HAS1: variants seen among roughly 807,000 people sequenced by gnomAD.
The protein encoded by HAS1 is HA synthase 1.
HAS1 carries 27 observed loss-of-function variants against 35.0 expected under a neutral mutation model. That is an observed-to-expected ratio of 0.77 (90% CI 0.57 to 1.06). HAS1 has a LOEUF of 1.06. HAS1 is among the 50% of genes least tolerant of loss of function. HAS1 has a pLI of 0.00. For synonymous variants in HAS1, 409 were observed against 371.2 expected, an observed-to-expected ratio of 1.10 and a Z score of -1.17; for missense variants, 940 against 814.8, an observed-to-expected ratio of 1.15 and a Z score of -1.87.
Position 51,716,270 on chromosome 19 carries a change from C to G in HAS1, c.1044G>C (p.Met348Ile). The G allele has an allele frequency of 6.2e-7, 1 of 1,613,638 alleles. No homozygotes were observed. The change falls in exon 4 of 5, where the codon ATG becomes ATC. Residue 348 changes from methionine (M) to isoleucine (I), a missense_variant. Met to Ile is a conservative substitution (Grantham distance 10). Coordinates refer to ENST00000540069, the MANE Select transcript of HAS1 (RefSeq NM_001297436.2). The part of the protein sequence containing the change: ...DRHLTNRMLS[M>I]GYATKYTSRS... Reference sequence around the variant, plus strand: ...CCTCAGCTTACTTGGTAGCATAACCCATGCTGAGCATGCGGTTGGTGAGGT... The same window carrying G: ...CCTCAGCTTACTTGGTAGCATAACCGATGCTGAGCATGCGGTTGGTGAGGT...
intron 2 of HAS1, among the ~76,000 whole-genome samples, chr19:51,717,758 T>TA (rs1228100665): frequency 7.9e-5 from 12 of 151,994 alleles, no homozygotes; most frequent in Non-Finnish European, 1.6e-4. Flanking sequence ...CCCCAAGCCT[T>TA]AAAAAAGACC....
rs58381226 is a variant in HAS1 at position 51,716,431 on chromosome 19, C to T, written c.926-43G>A. Reference sequence around the variant, plus strand: ...GTGAAAGAGTGTCAGCCTCTGCTGTCACCAACACCAACTCCAATGCTGTTT... The same window carrying T: ...GTGAAAGAGTGTCAGCCTCTGCTGTTACCAACACCAACTCCAATGCTGTTT... On this transcript the variant is annotated intron_variant, in intron 3 of 4. Transcript: ENST00000540069. The T allele has an allele frequency of 3.6e-4, 554 of 1,556,922 alleles. 3 individuals are homozygous for T. The East Asian group carries it at 0.011, about 32-fold the overall frequency.
intron 4 of HAS1, among the ~76,000 whole-genome samples, chr19:51,715,759 C>G (rs1185469866): frequency 6.6e-6 from 1 of 152,222 alleles, no homozygotes; most frequent in African/African-American, 2.4e-5. Context: ...CATGGAATTA[C>G]TTGTCTTCTC....
chr19:51,713,504 C>CCA lies in HAS1; in HGVS notation c.1655_1656dup (p.Ala553TrpfsTer4). On this transcript the variant is annotated frameshift_variant, in exon 5 of 5. Coordinates refer to ENST00000540069, the MANE Select transcript of HAS1 (RefSeq NM_001297436.2). LOFTEE classifies it high-confidence loss of function. This position sits in a 1 kb window ranked among gnomAD's most constrained non-coding sequence, Gnocchi z 4.5. ...CCCACCCAGTACAGCGTCAACATGGCCACCCAGTAGCCCACGTAGGCGCCG... is the reference window on the plus strand; with the variant it reads ...CCCACCCAGTACAGCGTCAACATGGCCACACCCAGTAGCCCACGTAGGCGCCG... The CCA allele has an allele frequency of 6.2e-7, 1 of 1,606,430 alleles. No individual in the cohort carries two copies. Among genetic ancestry groups the CCA allele is most frequent in the Non-Finnish European group, 8.5e-7 (1 of 1,177,030 alleles).
rs2083552923 is a variant in HAS1 at position 51,713,343 on chromosome 19, C to G, written c.*84G>C. The G allele has an allele frequency of 7.6e-7, 1 of 1,317,032 alleles. No individual in the cohort carries two copies. 81.6% of individuals were successfully genotyped at this position (1,317,032 alleles called of 1,614,324 possible). A position where few individuals can be genotyped will look rare whatever the true frequency, so the allele number is the denominator to read the frequency against. On this transcript the variant is annotated 3_prime_UTR_variant, in exon 5 of 5. Coordinates refer to ENST00000540069, the MANE Select transcript of HAS1 (RefSeq NM_001297436.2). This position sits in a 1 kb window ranked among gnomAD's most constrained non-coding sequence, Gnocchi z 4.5. Reference sequence around the variant, plus strand: ...AGGGAAACTGAGGCCCAGAGAACCACCCAGCAAGTTCGTGGCTCGGGGCCC... The same window carrying G: ...AGGGAAACTGAGGCCCAGAGAACCAGCCAGCAAGTTCGTGGCTCGGGGCCC...
At position 51,713,710 on chromosome 19, in the gene HAS1, T is replaced by C. The variant is rs140048746; in HGVS notation, c.1451A>G (p.Gln484Arg). The change falls in exon 5 of 5, where the codon CAG becomes CGG. Residue 484 changes from glutamine (Q) to arginine (R), a missense_variant. Transcript: ENST00000540069. This position sits in a 1 kb window ranked among gnomAD's most constrained non-coding sequence, Gnocchi z 4.5. Reference protein sequence around the residue: ...AKFLALVTMNQSGWGTSGRRK... With the variant: ...AKFLALVTMNRSGWGTSGRRK... ...CCGGCCCGAGGTGCCCCAGCCACTC[T>C]GGTTCATGGTGACTAGCGCCAGGAA... 1.7e-4 allele frequency: 275 copies of C among 1,605,928 alleles called. No individual in the cohort carries two copies. The highest frequency in any genetic ancestry group is 2.2e-4 in the Non-Finnish European group (257 of 1,176,738).
chr19:51,716,821 C>G (rs566249739), intron 3 of HAS1, 147 bp downstream of exon 3: 2 of 673,864 alleles, frequency 3.0e-6, no homozygotes, highest in Non-Finnish European at 5.3e-6. Context: ...GCAGCATCCT[C>G]ACCGCCAGCT....
At chr19:51,717,494 T>G (rs1243441269) in intron 2 of HAS1, among the ~76,000 whole-genome samples, 1 of 152,194 alleles carries the variant, frequency 6.6e-6, no homozygotes, top group Non-Finnish European at 1.5e-5. Context: ...ACTGCCATGA[T>G]TATATTACCT....
intron 1 of HAS1, among the ~76,000 whole-genome samples, chr19:51,720,582 T>C: frequency 6.6e-6 from 1 of 151,896 alleles, no homozygotes; most frequent in African/African-American, 2.4e-5. Flanking sequence ...AGCTTCTAAC[T>C]CCTAGGCTCT....
chr19:51,713,335 G>T lies in HAS1; in HGVS notation c.*92C>A. On this transcript the variant is annotated 3_prime_UTR_variant, in exon 5 of 5. Coordinates refer to ENST00000540069, the MANE Select transcript of HAS1 (RefSeq NM_001297436.2). The surrounding 1 kb of genome is among the most constrained non-coding windows in gnomAD (Gnocchi z 4.5). ...TGCAGAGGAGGGAAACTGAGGCCCAGAGAACCACCCAGCAAGTTCGTGGCT... is the reference window on the plus strand; with the variant it reads ...TGCAGAGGAGGGAAACTGAGGCCCATAGAACCACCCAGCAAGTTCGTGGCT... 1 of 1,273,446 alleles carries T rather than the reference G, an allele frequency of 7.9e-7. No homozygotes were observed. The highest frequency in any genetic ancestry group is 1.8e-5 in the South Asian group (1 of 56,168). 78.9% of individuals were successfully genotyped at this position (1,273,446 alleles called of 1,614,324 possible). A position where few individuals can be genotyped will look rare whatever the true frequency, so the allele number is the denominator to read the frequency against.
intron 2 of HAS1, 39 bp from the exon 3 acceptor site, chr19:51,717,232 G>A: frequency 7.3e-7 from 1 of 1,375,220 alleles, no homozygotes; most frequent in South Asian, 1.2e-5. Context: ...ACAGACCCCT[G>A]CATCAGGCTG....
rs1186912440 is a variant in HAS1 at position 51,713,652 on chromosome 19, C to T, written c.1509G>A (p.Leu503=). Residue 503 remains leucine, a synonymous_variant, in exon 5 of 5, where the codon CTG becomes CTA. Coordinates refer to ENST00000540069, the MANE Select transcript of HAS1 (RefSeq NM_001297436.2). This position sits in a 1 kb window ranked among gnomAD's most constrained non-coding sequence, Gnocchi z 4.5. ...GCAGCAGCGCCCAGAGCGCCAGGGG[C>T]AGCAGAGGGACGTAGTTAGCGGCCA... ...RKLAANYVPL[L]PLALWALLLL... 10 of 1,574,656 alleles carry T rather than the reference C, an allele frequency of 6.4e-6. No individual in the cohort carries two copies. The South Asian group carries it at 8.1e-5, about 13-fold the overall frequency.
rs778031457 is a variant in HAS1, at chr19:51,719,251, C to T, written c.654G>A (p.Met218Ile). The change falls in exon 2 of 5, where the codon ATG (methionine) becomes ATA (isoleucine). Residue 218 changes from methionine (M) to isoleucine (I), a missense_variant. Met to Ile is a conservative substitution (Grantham distance 10, BLOSUM62 1). Transcript: ENST00000540069. ...CTCCGAGCGCCTTGAAGGCTGTGTA[C>T]ATGACCTCGCGCTTGCCGCCCCAGC... ...AQRWGGKREV[M>I]YTAFKALGDS... is the part of the protein sequence containing the mutation. 2.5e-6 allele frequency: 4 copies of T among 1,607,008 alleles called. No homozygotes were observed. Among genetic ancestry groups the T allele is most frequent in the South Asian group, 1.1e-5 (1 of 89,868 alleles).
At chr19:51,715,546 A>G (rs1375084310) in intron 4 of HAS1, among the ~76,000 whole-genome samples, 1 of 152,146 alleles carries the variant, frequency 6.6e-6, no homozygotes. Flanking sequence ...CAACTGATGT[A>G]ATCAATTGGT....
chr19:51,713,910 A>C lies in HAS1; in HGVS notation c.1251T>G (p.Thr417=). ...GGCCCGCGTAGAACAGACGCAGCAC[A>C]GTGGCCGCCACGAAGAAGGGGAACA... The part of the protein sequence containing the change: ...SGLFPFFVAA[T]VLRLFYAGRP... Residue 417 remains threonine, a synonymous_variant, in exon 5 of 5, where the codon ACT becomes ACG. Coordinates refer to ENST00000540069, the MANE Select transcript of HAS1 (RefSeq NM_001297436.2). This position sits in a 1 kb window ranked among gnomAD's most constrained non-coding sequence, Gnocchi z 4.5. 1 of 1,607,462 alleles carries C rather than the reference A, an allele frequency of 6.2e-7. No homozygotes were observed. The highest frequency in any genetic ancestry group is 1.7e-5 in the Admixed American group (1 of 60,024).
At position 51,713,491 on chromosome 19, in the gene HAS1, A is replaced by G. The variant is rs772303503; in HGVS notation, c.1670T>C (p.Leu557Pro). The change falls in exon 5 of 5, where the codon CTG becomes CCG. Residue 557 changes from leucine to proline, a missense_variant. Physicochemically the swap from Leu to Pro is moderately conservative, Grantham distance 98. Transcript: ENST00000540069. This position sits in a 1 kb window ranked among gnomAD's most constrained non-coding sequence, Gnocchi z 4.5. ...YVGYWVAMLT[L>P]YWVGVRRLCR... Reference sequence around the variant, plus strand: ...AAGCCTCCGCACGCCCACCCAGTACAGCGTCAACATGGCCACCCAGTAGCC... The same window carrying G: ...AAGCCTCCGCACGCCCACCCAGTACGGCGTCAACATGGCCACCCAGTAGCC... The G allele has an allele frequency of 5.6e-6, 9 of 1,604,532 alleles. No homozygotes were observed. The highest frequency in any genetic ancestry group is 7.7e-6 in the Non-Finnish European group (9 of 1,175,910).
chr19:51,723,954 T>C lies in HAS1; in HGVS notation c.-21A>G. ...CTCATCGCAGTGGGTCTGGCCGGGCTCTCTCTTCTCTCCGGCTTGCTCTCC... is the reference window on the plus strand; with the variant it reads ...CTCATCGCAGTGGGTCTGGCCGGGCCCTCTCTTCTCTCCGGCTTGCTCTCC... On this transcript the variant is annotated 5_prime_UTR_variant, in exon 1 of 5. Transcript: ENST00000540069. 6.5e-7 allele frequency: 1 copy of C among 1,536,704 alleles called. No individual in the cohort carries two copies. Among genetic ancestry groups the C allele is most frequent in the Non-Finnish European group, 8.7e-7 (1 of 1,145,796 alleles).
intron 2 of HAS1, 53 bp from the exon 3 acceptor site, chr19:51,717,246 CTTG>C: frequency 1.6e-6 from 2 of 1,264,942 alleles, no homozygotes; most frequent in South Asian, 1.2e-5. Flanking sequence ...CAGGCTGATG[CTTG>C]AGAGGAAGGC....
chr19:51,715,483 A>G (rs1488085993), intron 4 of HAS1, among the ~76,000 whole-genome samples: 1 of 152,136 alleles, frequency 6.6e-6, no homozygotes, highest in Non-Finnish European at 1.5e-5. Flanking sequence ...TCTCCATAAC[A>G]CATATCATGA....
Sources: allele counts gnomAD v4.1 joint callset (sites outside exome capture counted in the v4.1 genomes callset), GRCh38; gene constraint gnomAD v4.1.1; non-coding constraint Gnocchi (gnomAD v3.1); transcripts MANE v1.5; gene names NCBI Gene and HGNC (gene_info 2026-07-23, HGNC 2026-07-21).